KLF12: variants seen among roughly 807,000 people sequenced by gnomAD.
KLF12 encodes the protein Krueppel-like factor 12.
KLF12 carries 9 observed loss-of-function variants against 37.8 expected under a neutral mutation model. The observed-to-expected ratio is 0.24, with a 90% CI of 0.14 to 0.42. The LOEUF is 0.42. Among genes scored for constraint, KLF12 ranks in the 10% least tolerant of loss-of-function variants. The pLI is 1.00. For missense variants in KLF12, 411 were observed against 516.0 expected, an observed-to-expected ratio of 0.80 and a Z score of 1.97; for synonymous variants, 208 against 202.1, an observed-to-expected ratio of 1.03 and a Z score of -0.25.
intron 3 of KLF12, among the ~76,000 whole-genome samples, chr13:73,941,881 G>C (rs940553857): frequency 6.6e-6 from 1 of 151,840 alleles, no homozygotes; most frequent in African/African-American, 2.4e-5. Flanking sequence ...CCAACATGCA[G>C]AATCTAAATA....
At chr13:74,092,955 T>C (rs536200874) in intron 1 of KLF12, among the ~76,000 whole-genome samples, 1 of 152,198 alleles carries the variant, frequency 6.6e-6, no homozygotes, top group Non-Finnish European at 1.5e-5. Context: ...CTTTTCACTG[T>C]ACAAACAAAA....
At chr13:73,963,351 T>TACACACACAC (rs57682253) in intron 2 of KLF12, among the ~76,000 whole-genome samples, 7 of 149,204 alleles carry the variant, frequency 4.7e-5, no homozygotes, top group African/African-American at 9.9e-5. Context: ...TACTTCAGTA[T>TACACACACAC]ACACACACAC....
At chr13:73,783,055 C>A (rs1281072074) in intron 5 of KLF12, among the ~76,000 whole-genome samples, 1 of 152,152 alleles carries the variant, frequency 6.6e-6, no homozygotes, top group Non-Finnish European at 1.5e-5. Context: ...TCATTCCACA[C>A]CACACAAAAC....
the KLF12 span, among the ~76,000 whole-genome samples, chr13:74,220,310 C>G: frequency 1.3e-5 from 2 of 152,110 alleles, no homozygotes; most frequent in African/African-American, 4.8e-5. Flanking sequence ...AGGCACTATC[C>G]TATTATCTTC....
In KLF12 at chr13:73,816,227, C is replaced by G. The variant is rs540645739; in HGVS notation, c.671-2940G>C. Among the ~76,000 whole-genome samples the G allele has an allele frequency of 2.6e-4, 39 of 152,324 alleles. No individual in the cohort carries two copies. The South Asian group carries it at 7.7e-3, about 30-fold the overall frequency. On this transcript the variant is annotated intron_variant, in intron 4 of 7. Transcript: ENST00000377669. ...TCAACCCTAGTTAACCTCCATCAGT[C>G]TTTGAGCATCTCAGCCCATTTAGGA...
chr13:73,954,008 T>A (rs1890743055), intron 2 of KLF12, among the ~76,000 whole-genome samples: 1 of 140,394 alleles, frequency 7.1e-6, no homozygotes, highest in Non-Finnish European at 1.5e-5. Flanking sequence ...AGACGGAGTC[T>A]CACTCTGTTG....
chr13:74,252,127 T>C, the KLF12 span, among the ~76,000 whole-genome samples: 1 of 152,184 alleles, frequency 6.6e-6, no homozygotes, highest in African/African-American at 2.4e-5. Context: ...TGTTTTGTTG[T>C]GTGTGTTTAT....
At chr13:74,099,836 TA>T (rs5804717) in intron 1 of KLF12, among the ~76,000 whole-genome samples, 135,470 of 152,072 alleles carry the variant, frequency 0.89, 61,949 homozygotes, top group East Asian at 1. Context: ...TCTTTTTATT[TA>T]AAAAAAAAGT....
At chr13:74,244,949 A>C in the KLF12 span, among the ~76,000 whole-genome samples, 1 of 152,206 alleles carries the variant, frequency 6.6e-6, no homozygotes, top group Non-Finnish European at 1.5e-5. Flanking sequence ...CATATGACTA[A>C]ATGATTCAAA....
At chr13:74,161,375 G>C in the KLF12 span, among the ~76,000 whole-genome samples, 2 of 152,018 alleles carry the variant, frequency 1.3e-5, no homozygotes, top group African/African-American at 4.8e-5. Flanking sequence ...TAAATTTAAA[G>C]CCTGGTGCCT....
In KLF12 at chr13:73,695,399, T is replaced by C; in HGVS notation, c.*91A>G. ...ACATCGTGGGATGGTGATGCCCTTT[T>C]GTGTTAACACTGTGAAGGGGATTCA... On this transcript the variant is annotated 3_prime_UTR_variant, in exon 8 of 8. Coordinates refer to ENST00000377669, the MANE Select transcript of KLF12 (RefSeq NM_007249.5). 1 of 1,249,182 alleles carries C rather than the reference T, an allele frequency of 8.0e-7. No homozygotes were observed. The highest frequency in any genetic ancestry group is 2.8e-4 in the Middle Eastern group (1 of 3,586). The allele number at this position is 1,249,182 out of a possible 1,614,324, so 77.4% of individuals were successfully genotyped here.
At chr13:73,752,233 T>C (rs893741116) in intron 6 of KLF12, among the ~76,000 whole-genome samples, 3 of 152,182 alleles carry the variant, frequency 2.0e-5, no homozygotes, top group Non-Finnish European at 4.4e-5. Flanking sequence ...TCCATCTGCA[T>C]TGGCCTCCCA....
At chr13:73,935,951 A>T (rs923951183) in intron 3 of KLF12, among the ~76,000 whole-genome samples, 1 of 152,112 alleles carries the variant, frequency 6.6e-6, no homozygotes, top group Non-Finnish European at 1.5e-5. Flanking sequence ...TACATGGTGT[A>T]TGTTTCATCT....
chr13:74,016,881 T>C (rs137906085), intron 1 of KLF12, among the ~76,000 whole-genome samples: 3 of 152,310 alleles, frequency 2.0e-5, no homozygotes, highest in Admixed American at 6.5e-5. Context: ...TCCAAATGTC[T>C]ATCATCAGTA....
At chr13:74,251,020 C>T in the KLF12 span, among the ~76,000 whole-genome samples, 181 of 152,334 alleles carry the variant, frequency 1.2e-3, no homozygotes, top group African/African-American at 4.0e-3. Flanking sequence ...CCTGTCCTGA[C>T]ATTGCCCCAG....
At chr13:73,702,027 C>CAA (rs1367774877) in intron 7 of KLF12, among the ~76,000 whole-genome samples, 8 of 151,526 alleles carry the variant, frequency 5.3e-5, no homozygotes, top group African/African-American at 1.5e-4. Context: ...CACACACACA[C>CAA]AAAAAAAGGG....
chr13:73,883,150 T>C (rs1887061308), intron 3 of KLF12, among the ~76,000 whole-genome samples: 1 of 152,214 alleles, frequency 6.6e-6, no homozygotes, highest in Admixed American at 6.5e-5. Context: ...TGAAGTTTGT[T>C]GGTGGCTATT....
At chr13:74,176,338 A>G in the KLF12 span, among the ~76,000 whole-genome samples, 1 of 152,194 alleles carries the variant, frequency 6.6e-6, no homozygotes, top group Non-Finnish European at 1.5e-5. Context: ...CTACAAATAC[A>G]TAAAATTTTT....
chr13:74,010,695 C>T (rs1892529566), intron 1 of KLF12, among the ~76,000 whole-genome samples: 1 of 152,114 alleles, frequency 6.6e-6, no homozygotes, highest in Non-Finnish European at 1.5e-5. Context: ...ATCTTAGAAG[C>T]TGCTCGTGTC....
Sources: gnomAD v4.1 joint callset for allele counts (sites outside exome capture counted in the v4.1 genomes callset) on GRCh38, gnomAD v4.1.1 for gene constraint, MANE v1.5 for transcripts, NCBI Gene and HGNC (gene_info 2026-07-23, HGNC 2026-07-21) for gene names.